The following UBE2H variants were observed in gnomAD, a reference collection of about 807,000 sequenced individuals.
UBE2H encodes the protein ubiquitin-conjugating enzyme E2 H.
UBE2H carries 3 observed loss-of-function variants against 29.0 expected under a neutral mutation model. The ratio of observed to expected loss-of-function variants is 0.10; its 90% CI spans 0.05 to 0.27. The LOEUF is 0.27. UBE2H is among the 10% of genes least tolerant of loss of function. The pLI is 1.00. For missense variants in UBE2H, 68 were observed against 228.2 expected (o/e 0.30, Z 4.52); for synonymous variants, 69 against 82.9 (o/e 0.83, Z 0.91).
chr7:129,949,041 T>G (rs1251444337), intron 1 of UBE2H: 1 of 456,664 alleles, frequency 2.2e-6, no homozygotes, highest in East Asian at 6.9e-5. Context: ...GAGCGGTGCC[T>G]GCGGCCTTTT....
intron 1 of UBE2H, among the ~76,000 whole-genome samples, chr7:129,933,231 T>C (rs1056547193): frequency 2.6e-5 from 4 of 151,972 alleles, no homozygotes; most frequent in Admixed American, 2.6e-4. Context: ...AGAATACAGG[T>C]GAAAGGTAAA....
At chr7:129,860,920 G>A (rs1805788884) in intron 3 of UBE2H, among the ~76,000 whole-genome samples, 1 of 152,080 alleles carries the variant, frequency 6.6e-6, no homozygotes, top group Non-Finnish European at 1.5e-5. Flanking sequence ...AGGAAACAGT[G>A]GTTAAAAATG....
At chr7:129,895,917 G>A (rs768778920) in intron 1 of UBE2H, among the ~76,000 whole-genome samples, 3 of 151,936 alleles carry the variant, frequency 2.0e-5, no homozygotes, top group African/African-American at 2.4e-5. Context: ...CCTTTTGGGC[G>A]GTATGTGTCT....
At chr7:129,860,981 G>A (rs943656380) in intron 3 of UBE2H, among the ~76,000 whole-genome samples, 1 of 152,174 alleles carries the variant, frequency 6.6e-6, no homozygotes, top group Admixed American at 6.5e-5. Flanking sequence ...CAGCACTTTG[G>A]GAGGCCAAGG....
chr7:129,949,591 A>C (rs1378096279), intron 1 of UBE2H, among the ~76,000 whole-genome samples: 1 of 152,142 alleles, frequency 6.6e-6, no homozygotes, highest in Non-Finnish European at 1.5e-5. Flanking sequence ...TTGGTGCAAA[A>C]CACTCACTCC....
chr7:129,837,416 A>C (rs1805351053), intron 6 of UBE2H, among the ~76,000 whole-genome samples: 1 of 152,242 alleles, frequency 6.6e-6, no homozygotes, highest in Admixed American at 6.5e-5. Context: ...AAGAGTCCAA[A>C]GGATTGGGAA....
intron 1 of UBE2H, among the ~76,000 whole-genome samples, chr7:129,882,973 A>T (rs993006917): frequency 6.6e-6 from 1 of 152,218 alleles, no homozygotes; most frequent in South Asian, 2.1e-4. Context: ...AAAATAAGTT[A>T]TTACAAAGCA....
At chr7:129,865,087 C>A (rs1439235890) in intron 3 of UBE2H, 2 of 441,372 alleles carry the variant, frequency 4.5e-6, no homozygotes, top group Non-Finnish European at 9.1e-6. Flanking sequence ...ATCCAAATCA[C>A]ACTTAATGTA....
intron 1 of UBE2H, among the ~76,000 whole-genome samples, chr7:129,925,527 C>T (rs1053774864): frequency 5.3e-5 from 8 of 152,136 alleles, no homozygotes; most frequent in African/African-American, 1.9e-4. Context: ...AGACACTGTA[C>T]GTGATCCAAC....
chr7:129,852,715 CACA>C (rs1805633743), intron 5 of UBE2H, among the ~76,000 whole-genome samples: 1 of 151,956 alleles, frequency 6.6e-6, no homozygotes, highest in East Asian at 1.9e-4. Context: ...CTCACTTCTC[CACA>C]ACTTTTTTTT....
intron 5 of UBE2H, among the ~76,000 whole-genome samples, chr7:129,852,772 C>T (rs897055765): frequency 6.6e-6 from 1 of 152,026 alleles, no homozygotes; most frequent in African/African-American, 2.4e-5. Context: ...ATTGCCCAGG[C>T]TGGAGTGCAA....
At chr7:129,858,478 G>A (rs1373189997) in intron 4 of UBE2H, among the ~76,000 whole-genome samples, 1 of 152,166 alleles carries the variant, frequency 6.6e-6, no homozygotes, top group Non-Finnish European at 1.5e-5. Flanking sequence ...TAGAAGGAAA[G>A]AAGGGGATAA....
intron 5 of UBE2H, among the ~76,000 whole-genome samples, chr7:129,851,900 A>AC (rs961426765): frequency 5.3e-5 from 8 of 152,322 alleles, no homozygotes; most frequent in Middle Eastern, 3.4e-3. Context: ...CTAGCTAAGC[A>AC]CTGTTGAAGC....
At chr7:129,921,873 T>G (rs1807170988) in intron 1 of UBE2H, among the ~76,000 whole-genome samples, 1 of 152,182 alleles carries the variant, frequency 6.6e-6, no homozygotes, top group Non-Finnish European at 1.5e-5. Flanking sequence ...AGACAAAACA[T>G]CTCACCATTT....
intron 5 of UBE2H, among the ~76,000 whole-genome samples, chr7:129,854,457 C>T (rs1243180384): frequency 4.6e-5 from 7 of 152,188 alleles, no homozygotes; most frequent in Admixed American, 4.6e-4. Flanking sequence ...CCTGCACTTA[C>T]CTGTTAGTGT....
chr7:129,912,075 A>G (rs948037982), intron 1 of UBE2H, among the ~76,000 whole-genome samples: 30 of 152,174 alleles, frequency 2.0e-4, no homozygotes, highest in African/African-American at 6.8e-4. Flanking sequence ...ATGAGATAGA[A>G]TTTAAAATGT....
intron 1 of UBE2H, among the ~76,000 whole-genome samples, chr7:129,927,647 CATCTT>C (rs1272241003): frequency 6.6e-6 from 1 of 152,216 alleles, no homozygotes; most frequent in Non-Finnish European, 1.5e-5. Context: ...ATTAAAACCA[CATCTT>C]ATAATTCCCA....
At chr7:129,859,005 C>A in intron 3 of UBE2H, 64 bp from the exon 4 acceptor site, 1 of 1,358,834 alleles carries the variant, frequency 7.4e-7, no homozygotes, top group Non-Finnish European at 1.0e-6. Context: ...TATTTCAGTA[C>A]TGGAAACAAT....
At chr7:129,836,446 G>A (rs1308680303) in intron 6 of UBE2H, among the ~76,000 whole-genome samples, 1 of 152,230 alleles carries the variant, frequency 6.6e-6, no homozygotes, top group Non-Finnish European at 1.5e-5. Context: ...GAGGGAAGCA[G>A]TTACGGACGA....
Sources: allele counts gnomAD v4.1 joint callset (sites outside exome capture counted in the v4.1 genomes callset), GRCh38; gene constraint gnomAD v4.1.1; transcripts MANE v1.5; gene names NCBI Gene and HGNC (gene_info 2026-07-23, HGNC 2026-07-21).